CAMTA1: variants seen among roughly 807,000 people sequenced by gnomAD.
CAMTA1 encodes the protein calmodulin binding transcription activator 1, also known as calmodulin-binding transcription activator 1.
In CAMTA1, 27 loss-of-function variants were observed where a neutral mutation model predicts 170.9. The ratio of observed to expected loss-of-function variants is 0.16; its 90% confidence interval spans 0.12 to 0.22. The LOEUF (loss-of-function observed/expected upper bound fraction) is 0.22. Among genes scored for constraint, CAMTA1 ranks in the 10% least tolerant of loss-of-function variants. The pLI, the probability that CAMTA1 is intolerant of heterozygous loss-of-function variation, is 1.00. For synonymous variants in CAMTA1, 833 were observed against 891.5 expected (o/e 0.93, Z 1.17); for missense variants, 1,619 against 2,217.2 (o/e 0.73, Z 5.42).
At chr1:7,177,911 G>C (rs879494017) in intron 4 of CAMTA1, among the ~76,000 whole-genome samples, 1 of 146,992 alleles carries the variant, frequency 6.8e-6, no homozygotes, top group Non-Finnish European at 1.5e-5. Context: ...TCCCTCAGGC[G>C]GAGGCTCTTC....
intron 21 of CAMTA1, 78 bp downstream of exon 21, chr1:7,752,611 C>A: frequency 9.0e-7 from 1 of 1,115,184 alleles, no homozygotes; most frequent in Non-Finnish European, 1.3e-6. Flanking sequence ...CTCACTAACT[C>A]CTATGTAAAG....
intron 5 of CAMTA1, among the ~76,000 whole-genome samples, chr1:7,329,514 T>C (rs1482802692): frequency 6.6e-6 from 1 of 152,234 alleles, no homozygotes; most frequent in African/African-American, 2.4e-5. Flanking sequence ...CTCTCAGGCT[T>C]TGTTTTTCTG....
intron 11 of CAMTA1, among the ~76,000 whole-genome samples, chr1:7,691,959 G>GGGAGGGAGGAAGGGAAGGAA (rs1250537821): frequency 7.1e-6 from 1 of 139,872 alleles, no homozygotes; most frequent in Non-Finnish European, 1.6e-5. Context: ...AGGGAAGGAA[G>GGGAGGGAGGAAGGGAAGGAA]GGAGGGAGGA....
chr1:7,751,648 A>G (rs1027140847), intron 20 of CAMTA1, among the ~76,000 whole-genome samples: 5 of 151,816 alleles, frequency 3.3e-5, no homozygotes, highest in African/African-American at 1.2e-4. Flanking sequence ...TTATATCAGA[A>G]TTTGGCAGCA....
rs183998318 is a variant in CAMTA1, at chr1:7,067,246, G to C, written c.235-24058G>C. On this transcript the variant is annotated intron_variant, in intron 3 of 22. Coordinates refer to ENST00000303635, the MANE Select transcript of CAMTA1 (RefSeq NM_015215.4). The surrounding 1 kb of genome is among the most constrained non-coding windows in gnomAD (Gnocchi z 4.3). ...AGAGTTATCTCTGCTTCCTAGGGACGAAGGCCTCTCCCGGGGCTGGGAAGT... is the reference window on the plus strand; with the variant it reads ...AGAGTTATCTCTGCTTCCTAGGGACCAAGGCCTCTCCCGGGGCTGGGAAGT... Among the ~76,000 whole-genome samples the C allele has an allele frequency of 6.6e-6, 1 of 152,280 alleles. No individual in the cohort carries two copies. Among genetic ancestry groups the C allele is most frequent in the East Asian group, 1.9e-4 (1 of 5,180 alleles).
chr1:6,836,278 C>T (rs1402398466), intron 3 of CAMTA1, among the ~76,000 whole-genome samples: 1 of 152,152 alleles, frequency 6.6e-6, no homozygotes, highest in Non-Finnish European at 1.5e-5. Context: ...AAAAGAAATC[C>T]TTTCTAGATG....
chr1:7,493,061 G>GCA lies in CAMTA1; in HGVS notation c.510+25161_510+25162insAC, dbSNP rs1403622239. 7.3e-5 allele frequency among the ~76,000 whole-genome samples: 5 copies of GCA among 68,818 alleles called. No individual in the cohort carries two copies. The East Asian group carries it at 1.6e-3, about 22-fold the overall frequency. 45.1% of individuals were successfully genotyped at this position (68,818 alleles called of 152,430 possible). On this transcript the variant is annotated intron_variant, in intron 6 of 22. Transcript: ENST00000303635. ...CAAACACAAACCTACATACACACGC[G>GCA]CGCACACACACAGACATACAAACGT...
At chr1:7,210,475 T>C (rs1319451177) in intron 4 of CAMTA1, among the ~76,000 whole-genome samples, 1 of 152,210 alleles carries the variant, frequency 6.6e-6, no homozygotes, top group Non-Finnish European at 1.5e-5. Flanking sequence ...TTGTTGACTT[T>C]GACCATTGGT....
At chr1:7,684,936 G>T (rs574894472) in intron 11 of CAMTA1, among the ~76,000 whole-genome samples, 10 of 152,300 alleles carry the variant, frequency 6.6e-5, no homozygotes, top group Non-Finnish European at 1.0e-4. Flanking sequence ...ACGGGGTTCT[G>T]CCCTAGGTGT....
At chr1:6,985,518 C>T (rs187731415) in intron 3 of CAMTA1, among the ~76,000 whole-genome samples, 25 of 152,332 alleles carry the variant, frequency 1.6e-4, no homozygotes, top group Admixed American at 1.2e-3. Flanking sequence ...TTTGTCATTA[C>T]GTTATATTTT....
At chr1:7,710,037 T>C in intron 11 of CAMTA1, among the ~76,000 whole-genome samples, 1 of 152,232 alleles carries the variant, frequency 6.6e-6, no homozygotes, top group Non-Finnish European at 1.5e-5. Flanking sequence ...TTTTCTGTGG[T>C]ATGTGTCTGT....
intron 6 of CAMTA1, among the ~76,000 whole-genome samples, chr1:7,560,060 G>A (rs982907146): frequency 3.3e-5 from 5 of 152,242 alleles, no homozygotes; most frequent in Non-Finnish European, 2.9e-5. Context: ...CCAAGGCCCA[G>A]GCTGAGGATG....
intron 4 of CAMTA1, among the ~76,000 whole-genome samples, chr1:7,107,453 CTGATAGGGT>C (rs1378789003): frequency 6.6e-6 from 1 of 152,120 alleles, no homozygotes; most frequent in Non-Finnish European, 1.5e-5. Flanking sequence ...ACGGCATGCC[CTGATAGGGT>C]CGGGAGAGAC....
chr1:7,493,932 C>T lies in CAMTA1; in HGVS notation c.510+26031C>T, dbSNP rs141239181. Among the ~76,000 whole-genome samples the T allele has an allele frequency of 7.9e-3, 1,196 of 152,202 alleles. 19 individuals carry two copies. The highest frequency in any genetic ancestry group is 0.026 in the African/African-American group (1,092 of 41,530). ...CATGGGGCCATGTGGCTTCACTCCC[C>T]GTCTCTGCCTCCCAGGCTCAGCAGG... is the stretch of plus-strand genomic sequence containing the variant. On this transcript the variant is annotated intron_variant, in intron 6 of 22. Transcript: ENST00000303635.
At chr1:7,335,124 T>TTTTGTGTGTGTGTGTG in intron 5 of CAMTA1, among the ~76,000 whole-genome samples, 1 of 19,198 alleles carries the variant, frequency 5.2e-5, no homozygotes, top group African/African-American at 2.0e-4. Flanking sequence ...AGCACAGCTT[T>TTTTGTGTGTGTGTGTG]TGTGTGTGTG....
intron 5 of CAMTA1, chr1:7,389,831 A>G: frequency 6.5e-6 from 1 of 152,892 alleles, no homozygotes; most frequent in Non-Finnish European, 1.5e-5. Flanking sequence ...TTGGAGGAGA[A>G]GGCAGGACAG....
rs117518313 is a variant in CAMTA1, at chr1:7,312,037, T to C, written c.438+62411T>C. On this transcript the variant is annotated intron_variant, in intron 5 of 22. Coordinates refer to ENST00000303635, the MANE Select transcript of CAMTA1 (RefSeq NM_015215.4). ...TCCACCATCTCCTTGGGCCTCTCTT[T>C]TTCAGTCATCTGGCCATAAAGCTGG... Among the ~76,000 whole-genome samples the C allele has an allele frequency of 6.0e-4, 91 of 152,318 alleles. 1 individual carries two copies. In the East Asian group the frequency reaches 0.015, roughly 25 times the overall value.
At chr1:7,432,832 C>G (rs773863825) in intron 5 of CAMTA1, among the ~76,000 whole-genome samples, 1 of 152,220 alleles carries the variant, frequency 6.6e-6, no homozygotes, top group African/African-American at 2.4e-5. Flanking sequence ...GGATTATTTA[C>G]GGCCTTGTTT....
At chr1:7,301,327 C>T (rs1378334678) in intron 5 of CAMTA1, among the ~76,000 whole-genome samples, 1 of 152,196 alleles carries the variant, frequency 6.6e-6, no homozygotes, top group African/African-American at 2.4e-5. Context: ...TGTGGTTTGA[C>T]TTTTTCAGGG....
Sources: gnomAD v4.1 joint callset for allele counts (sites outside exome capture counted in the v4.1 genomes callset) on GRCh38, gnomAD v4.1.1 for gene constraint, Gnocchi (gnomAD v3.1) non-coding constraint, MANE v1.5 for transcripts, NCBI Gene and HGNC (gene_info 2026-07-23, HGNC 2026-07-21) for gene names.